The following ASIC2 variants were observed in gnomAD, a reference collection of about 807,000 sequenced individuals.
The protein encoded by ASIC2 is acid sensing ion channel subunit 2.
In ASIC2, 25 loss-of-function variants were observed where a neutral mutation model predicts 57.3. The observed-to-expected ratio is 0.44, with a 90% CI of 0.32 to 0.61. The LOEUF is 0.61. ASIC2 is among the 20% of genes least tolerant of loss of function. ASIC2 has a pLI of 0.06. For synonymous variants in ASIC2, 319 were observed against 307.5 expected, an observed-to-expected ratio of 1.04 and a Z score of -0.39; for missense variants, 641 against 738.1, an observed-to-expected ratio of 0.87 and a Z score of 1.52.
At chr17:33,376,401 C>T in intron 1 of ASIC2, among the ~76,000 whole-genome samples, 1 of 151,910 alleles carries the variant, frequency 6.6e-6, no homozygotes, top group Non-Finnish European at 1.5e-5. Context: ...GGTACATGTG[C>T]ACAACATGCA....
At chr17:34,057,684 T>C (rs948125945) in intron 1 of ASIC2, among the ~76,000 whole-genome samples, 8 of 151,708 alleles carry the variant, frequency 5.3e-5, no homozygotes, top group Non-Finnish European at 8.8e-5. Flanking sequence ...GGCAAGAGGG[T>C]CAAGGATTAG....
intron 1 of ASIC2, among the ~76,000 whole-genome samples, chr17:33,506,613 G>A (rs1014056999): frequency 6.6e-6 from 1 of 152,174 alleles, no homozygotes; most frequent in Non-Finnish European, 1.5e-5. Flanking sequence ...ACAATCTGTA[G>A]TGTAGCATTA....
Position 33,711,079 on chromosome 17 carries a change from G to A in ASIC2, c.555+444899C>T, listed in dbSNP as rs866600346. On this transcript the variant is annotated intron_variant, in intron 1 of 9. Coordinates refer to the ASIC2 transcript ENST00000359872. ...GATCCTCCCACCTCAGCCTCCCAAA[G>A]TGCTGAGATTACAGGTGTGAGCCAA... is the stretch of plus-strand genomic sequence containing the variant. 3.3e-5 allele frequency among the ~76,000 whole-genome samples: 5 copies of A among 152,222 alleles called. No individual in the cohort carries two copies. In the South Asian group the frequency reaches 6.2e-4, roughly 19 times the overall value.
intron 1 of ASIC2, among the ~76,000 whole-genome samples, chr17:34,021,741 A>T (rs1390094064): frequency 6.6e-6 from 1 of 152,128 alleles, no homozygotes; most frequent in Non-Finnish European, 1.5e-5. Flanking sequence ...CATCTTAAAA[A>T]TACTGATGCC....
At chr17:34,031,457 C>G (rs1907608689) in intron 1 of ASIC2, among the ~76,000 whole-genome samples, 1 of 152,200 alleles carries the variant, frequency 6.6e-6, no homozygotes, top group Admixed American at 6.5e-5. Flanking sequence ...CAGAGCGCCT[C>G]TCCTCCTCCA....
chr17:33,856,483 G>GTAGTAGTAGTAATAGTAT (rs1335814311), intron 1 of ASIC2, among the ~76,000 whole-genome samples: 3 of 18,464 alleles, frequency 1.6e-4, no homozygotes, highest in South Asian at 2.3e-3. Context: ...GGTGGTGGTG[G>GTAGTAGTAGTAATAGTAT]CAGTAGTAAT....
At chr17:33,655,935 G>A (rs1407156002) in intron 1 of ASIC2, among the ~76,000 whole-genome samples, 3 of 152,070 alleles carry the variant, frequency 2.0e-5, no homozygotes, top group African/African-American at 7.2e-5. Context: ...TCCTGTTTCA[G>A]AAGTGTTAAC....
intron 1 of ASIC2, among the ~76,000 whole-genome samples, chr17:33,328,070 A>G (rs1364985482): frequency 6.6e-6 from 1 of 152,148 alleles, no homozygotes; most frequent in East Asian, 1.9e-4. Context: ...TAACATTTTG[A>G]TTTTTAGATT....
chr17:33,470,560 T>C (rs772361892), intron 1 of ASIC2, among the ~76,000 whole-genome samples: 7 of 152,220 alleles, frequency 4.6e-5, no homozygotes, highest in Non-Finnish European at 7.3e-5. Context: ...ATTCTGCATT[T>C]CTAATTCCTT....
intron 3 of ASIC2, among the ~76,000 whole-genome samples, chr17:33,034,727 T>A (rs966305796): frequency 6.6e-6 from 1 of 152,196 alleles, no homozygotes; most frequent in African/African-American, 2.4e-5. Context: ...TATGCCCCCT[T>A]TTCTCCCTCT....
At chr17:33,021,158 A>G (rs780033629) in intron 7 of ASIC2, 61 bp downstream of exon 7, 12 of 935,932 alleles carry the variant, frequency 1.3e-5, no homozygotes, top group Non-Finnish European at 1.9e-5. Context: ...CCACCTGTGC[A>G]TCCTCCCTCC....
intron 1 of ASIC2, among the ~76,000 whole-genome samples, chr17:34,060,493 A>G (rs1407750457): frequency 6.6e-6 from 1 of 151,810 alleles, no homozygotes; most frequent in Non-Finnish European, 1.5e-5. Context: ...CAAACCAATA[A>G]GAAATCCTTG....
intron 1 of ASIC2, among the ~76,000 whole-genome samples, chr17:33,353,053 CTT>C (rs2142250859): frequency 6.6e-6 from 1 of 152,318 alleles, no homozygotes; most frequent in African/African-American, 2.4e-5. Flanking sequence ...AGCGTCCTGA[CTT>C]TGCATTCCCA....
At chr17:33,666,106 A>AT (rs1907462623) in intron 1 of ASIC2, among the ~76,000 whole-genome samples, 4 of 152,002 alleles carry the variant, frequency 2.6e-5, no homozygotes, top group Admixed American at 2.6e-4. Context: ...TCATTTGCCC[A>AT]TTTTCCCCCC....
intron 1 of ASIC2, chr17:33,692,432 A>G (rs1025357886): frequency 9.2e-5 from 14 of 152,216 alleles, no homozygotes; most frequent in Non-Finnish European, 1.8e-4. Flanking sequence ...AGCTGCATCC[A>G]TAGTCCTAAC....
At chr17:33,267,329 G>A (rs921401918) in intron 1 of ASIC2, among the ~76,000 whole-genome samples, 5 of 152,182 alleles carry the variant, frequency 3.3e-5, no homozygotes, top group African/African-American at 1.2e-4. Context: ...CTTTGAATAA[G>A]TCAGCCCTTT....
intron 1 of ASIC2, among the ~76,000 whole-genome samples, chr17:33,799,429 TC>T (rs1336408248): frequency 1.3e-3 from 18 of 13,388 alleles, no homozygotes; most frequent in African/African-American, 3.2e-3. Flanking sequence ...CTTTCTTTCT[TC>T]TTTCTTTCTT....
At chr17:33,815,405 G>C (rs1912546592) in intron 1 of ASIC2, among the ~76,000 whole-genome samples, 1 of 152,200 alleles carries the variant, frequency 6.6e-6, no homozygotes, top group South Asian at 2.1e-4. Context: ...CACTGCTCAT[G>C]AAAACCCTGG....
chr17:33,103,026 G>C (rs149472442), intron 2 of ASIC2, among the ~76,000 whole-genome samples: 5 of 152,038 alleles, frequency 3.3e-5, no homozygotes, highest in Admixed American at 3.3e-4. Context: ...CTCGTGATCC[G>C]CCCGCCTTGG....
Sources: allele counts gnomAD v4.1 joint callset (sites outside exome capture counted in the v4.1 genomes callset), GRCh38; gene constraint gnomAD v4.1.1; transcripts MANE v1.5; gene names NCBI Gene and HGNC (gene_info 2026-07-23, HGNC 2026-07-21).